Variants in C16orf46 observed in about 807,000 individuals in gnomAD.
C16orf46 encodes the protein chromosome 16 open reading frame 46, also known as uncharacterized protein C16orf46.
A neutral mutation model predicts 5.5 loss-of-function variants in C16orf46; 7 were observed. The observed-to-expected ratio is 1.28, with a 90% CI of 0.73 to 2.40. The LOEUF (loss-of-function observed/expected upper bound fraction) is 2.40, where lower values mean the gene tolerates loss of function less well. Ranked by LOEUF, C16orf46 falls within the 30% of genes most tolerant of loss-of-function variation. The probability of loss-of-function intolerance (pLI) is 0.00; values close to 1 mark genes in which losing one functional copy is unlikely to be tolerated. For synonymous variants in C16orf46, 200 were observed against 184.1 expected, an observed-to-expected ratio of 1.09 and a Z score of -0.70; for missense variants, 614 against 476.0, an observed-to-expected ratio of 1.29 and a Z score of -2.70.
At position 81,065,799 on chromosome 16, in the gene C16orf46, C is replaced by A. The variant is rs146502904; in HGVS notation, c.-39+394G>T. 1.5e-3 allele frequency among the ~76,000 whole-genome samples: 223 copies of A among 147,128 alleles called. 1 individual carries two copies. Among genetic ancestry groups the A allele is most frequent in the African/African-American group, 5.4e-3 (217 of 39,986 alleles). On this transcript the variant is annotated intron_variant, in intron 2 of 3. Coordinates refer to ENST00000299578, the MANE Select transcript of C16orf46 (RefSeq NM_152337.3). ...TTGAATTACCAATTTGGCTTTTTCACATAGGCTTAGTTTTTTTATTTTGTT... is the reference window on the plus strand; with the variant it reads ...TTGAATTACCAATTTGGCTTTTTCAAATAGGCTTAGTTTTTTTATTTTGTT...
downstream of C16orf46, among the ~76,000 whole-genome samples, chr16:81,058,795 C>A (rs562862059): frequency 2.0e-5 from 3 of 152,142 alleles, no homozygotes; most frequent in Non-Finnish European, 4.4e-5. Flanking sequence ...TTGTTCCTAT[C>A]TTAAAGGAAG....
At chr16:81,067,767 G>A (rs1222751644) in intron 1 of C16orf46, among the ~76,000 whole-genome samples, 1 of 152,026 alleles carries the variant, frequency 6.6e-6, no homozygotes, top group Non-Finnish European at 1.5e-5. Context: ...TGGCCAGGCT[G>A]GTCTTGAACT....
chr16:81,076,530 C>T (rs1291532064), intron 1 of C16orf46: 1 of 152,264 alleles, frequency 6.6e-6, no homozygotes, highest in African/African-American at 2.4e-5. Flanking sequence ...TCAAACTCTT[C>T]CCCTTTTTCA....
chr16:81,065,928 C>G (rs1971642721), intron 2 of C16orf46, among the ~76,000 whole-genome samples: 1 of 151,986 alleles, frequency 6.6e-6, no homozygotes, highest in Admixed American at 6.6e-5. Flanking sequence ...ACAAAATTTA[C>G]TGGAGTAAAT....
At chr16:81,070,397 C>T (rs1211391731) in intron 1 of C16orf46, among the ~76,000 whole-genome samples, 1 of 152,130 alleles carries the variant, frequency 6.6e-6, no homozygotes, top group Admixed American at 6.5e-5. Context: ...TTAAGAATTA[C>T]CATAAAGCTA....
chr16:81,075,632 G>A (rs760960891), intron 1 of C16orf46, among the ~76,000 whole-genome samples: 4 of 152,092 alleles, frequency 2.6e-5, no homozygotes, highest in Admixed American at 6.6e-5. Context: ...CCAAACTAGT[G>A]GCTACCTAGA....
chr16:81,056,689 C>T (rs1331302970), downstream of C16orf46, among the ~76,000 whole-genome samples: 14 of 89,248 alleles, frequency 1.6e-4, no homozygotes, highest in Non-Finnish European at 2.8e-4. Context: ...GAACAAGACT[C>T]CGTCTCAAAA....
chr16:81,058,982 G>A (rs1273019156), downstream of C16orf46, among the ~76,000 whole-genome samples: 4 of 152,142 alleles, frequency 2.6e-5, no homozygotes, highest in East Asian at 1.9e-4. Context: ...GTTAGAAGAG[G>A]AAAATGATCC....
At chr16:81,056,251 A>C (rs1251145354), downstream of C16orf46, 1 of 152,198 alleles carries the variant, frequency 6.6e-6, no homozygotes, top group Non-Finnish European at 1.5e-5. Context: ...GTAAATGTAA[A>C]TACACTAATT....
At chr16:81,077,054 G>A (rs1011088134) in intron 1 of C16orf46, 82 bp downstream of exon 1, 1 of 152,388 alleles carries the variant, frequency 6.6e-6, no homozygotes, top group East Asian at 1.9e-4. Flanking sequence ...CCTTTCGAAC[G>A]AGGCAGGGAC....
chr16:81,072,522 T>C (rs562321810), intron 1 of C16orf46, among the ~76,000 whole-genome samples: 8 of 151,740 alleles, frequency 5.3e-5, no homozygotes, highest in African/African-American at 1.9e-4. Flanking sequence ...GTAGCTGGGA[T>C]TATAGGCATG....
chr16:81,057,791 G>A (rs1439743512), downstream of C16orf46: 1 of 152,722 alleles, frequency 6.5e-6, no homozygotes, highest in Non-Finnish European at 1.5e-5. Flanking sequence ...CAGCACTTTG[G>A]GAGGCCAAGG....
Position 81,061,780 on chromosome 16 carries a change from C to T in C16orf46, c.569G>A (p.Ser190Asn), listed in dbSNP as rs1252641131. ...GGACAGCCCTCTGTGGGCCCCTCCA[C>T]TGGGATTCCCAGAGGCCTTGCCCCT... Reference protein sequence around the residue: ...TNRGKASGNPSGGAHRGLSIP... With the variant: ...TNRGKASGNPNGGAHRGLSIP... The change falls in exon 4 of 4, where the codon AGT (serine) becomes AAT (asparagine). Residue 190 changes from serine (S) to asparagine (N), a missense_variant. Ser to Asn is a conservative substitution (Grantham distance 46). Transcript: ENST00000299578. 6.2e-7 allele frequency: 1 copy of T among 1,613,950 alleles called. No homozygotes were observed. The highest frequency in any genetic ancestry group is 8.5e-7 in the Non-Finnish European group (1 of 1,179,926).
chr16:81,061,930 G>C lies in C16orf46; in HGVS notation c.419C>G (p.Pro140Arg), dbSNP rs150847199. 21 of 1,614,102 alleles carry C rather than the reference G, an allele frequency of 1.3e-5. No individual in the cohort carries two copies. The African/African-American group carries it at 2.7e-4, about 21-fold the overall frequency. ...PSQTQAAPQGPSTASRAISDI... is the reference protein window; with the variant it reads ...PSQTQAAPQGRSTASRAISDI... ...GCTAATTGCCCTGGAAGCAGTGCTG[G>C]GGCCCTGGGGGGCTGCCTGAGTCTG... The change falls in exon 4 of 4, where the codon CCC becomes CGC. Residue 140 changes from proline to arginine, a missense_variant. By Grantham distance (103) the Pro-to-Arg change is moderately radical (BLOSUM62 -2). Transcript: ENST00000299578.
At chr16:81,067,715 G>C (rs1037208431) in intron 1 of C16orf46, among the ~76,000 whole-genome samples, 1 of 152,040 alleles carries the variant, frequency 6.6e-6, no homozygotes, top group African/African-American at 2.4e-5. Flanking sequence ...ACCATGCAGG[G>C]CTAATTTTTG....
At chr16:81,066,845 C>T (rs1288818899) in intron 1 of C16orf46, among the ~76,000 whole-genome samples, 1 of 152,170 alleles carries the variant, frequency 6.6e-6, no homozygotes, top group Non-Finnish European at 1.5e-5. Flanking sequence ...TTTTCCACCA[C>T]ATCAAGAAAA....
chr16:81,059,674 C>T (rs1971405397), downstream of C16orf46, among the ~76,000 whole-genome samples: 1 of 152,136 alleles, frequency 6.6e-6, no homozygotes, highest in Admixed American at 6.6e-5. Context: ...GAGAAAATAA[C>T]AGCCCCTTTC....
chr16:81,059,718 T>C (rs957015490), downstream of C16orf46, among the ~76,000 whole-genome samples: 1 of 152,046 alleles, frequency 6.6e-6, no homozygotes, highest in African/African-American at 2.4e-5. Flanking sequence ...TTCCAAACAT[T>C]AGATGCAAAG....
downstream of C16orf46, among the ~76,000 whole-genome samples, chr16:81,060,094 A>G (rs765119908): frequency 1.3e-5 from 2 of 151,864 alleles, no homozygotes; most frequent in African/African-American, 4.8e-5. Flanking sequence ...GGCCCCAAAA[A>G]GTAATTATTC....
Sources: allele counts gnomAD v4.1 joint callset (sites outside exome capture counted in the v4.1 genomes callset), GRCh38; gene constraint gnomAD v4.1.1; transcripts MANE v1.5; gene names NCBI Gene and HGNC (gene_info 2026-07-23, HGNC 2026-07-21).